Variants in FNDC3B observed in about 807,000 individuals in gnomAD.
The protein encoded by FNDC3B is fibronectin type III domain-containing protein 3B.
Under a neutral mutation model 151.5 loss-of-function variants are expected in FNDC3B, and 12 were observed. The observed-to-expected ratio is 0.08, with a 90% CI of 0.05 to 0.13. The LOEUF is 0.13. FNDC3B is among the 10% of genes least tolerant of loss of function. The pLI is 1.00. For missense variants in FNDC3B, 1,214 were observed against 1,505.3 expected (o/e 0.81, Z 3.20); for synonymous variants, 528 against 549.0 (o/e 0.96, Z 0.54).
rs1735630071 is a variant in FNDC3B, at chr3:172,384,918, G to A, written c.3303+3825G>A. Among the ~76,000 whole-genome samples, 8 of 152,294 alleles carry A rather than the reference G, an allele frequency of 5.3e-5. No homozygotes were observed. In the South Asian group the frequency reaches 1.7e-3, roughly 32 times the overall value. ...AACAAAGTGTTCCTTGTTGTAAACAGGTGAAAACACACAGTACTGCACGGC... is the reference window on the plus strand; with the variant it reads ...AACAAAGTGTTCCTTGTTGTAAACAAGTGAAAACACACAGTACTGCACGGC... On this transcript the variant is annotated intron_variant, in intron 25 of 25. Transcript: ENST00000415807.
At chr3:172,325,162 C>G (rs1385714188) in intron 11 of FNDC3B, among the ~76,000 whole-genome samples, 1 of 152,214 alleles carries the variant, frequency 6.6e-6, no homozygotes, top group Non-Finnish European at 1.5e-5. Flanking sequence ...AGGATGTTAC[C>G]CATTTCTACT....
At chr3:172,279,747 G>T (rs1729608490) in intron 6 of FNDC3B, among the ~76,000 whole-genome samples, 1 of 152,092 alleles carries the variant, frequency 6.6e-6, no homozygotes. Flanking sequence ...ACTAACTGTG[G>T]ATCATAGTCA....
intron 1 of FNDC3B, among the ~76,000 whole-genome samples, chr3:172,063,162 C>T (rs1333412580): frequency 6.6e-6 from 1 of 151,910 alleles, no homozygotes; most frequent in Non-Finnish European, 1.5e-5. Flanking sequence ...CCCCATTTTT[C>T]TTCAAATGTT....
chr3:172,121,349 T>G (rs914063136), intron 2 of FNDC3B, among the ~76,000 whole-genome samples: 2 of 152,256 alleles, frequency 1.3e-5, no homozygotes, highest in African/African-American at 4.8e-5. Flanking sequence ...TGGTTCATGT[T>G]GCTTTGTAGA....
At chr3:172,089,491 C>T (rs927021293) in intron 1 of FNDC3B, among the ~76,000 whole-genome samples, 1 of 152,152 alleles carries the variant, frequency 6.6e-6, no homozygotes, top group Middle Eastern at 3.4e-3. Context: ...ATCAGTTGAT[C>T]GAAGGTAGGG....
At chr3:172,113,223 C>T (rs1720067092) in intron 2 of FNDC3B, among the ~76,000 whole-genome samples, 1 of 152,140 alleles carries the variant, frequency 6.6e-6, no homozygotes, top group Non-Finnish European at 1.5e-5. Flanking sequence ...TTTATTGCAA[C>T]AGTTGGGCTT....
At chr3:172,056,636 A>C (rs1308463182) in intron 1 of FNDC3B, among the ~76,000 whole-genome samples, 1 of 152,176 alleles carries the variant, frequency 6.6e-6, no homozygotes. Context: ...TGTTATGACT[A>C]TTTGGCTCAA....
At chr3:172,191,607 C>T (rs1724512944) in intron 3 of FNDC3B, among the ~76,000 whole-genome samples, 1 of 152,138 alleles carries the variant, frequency 6.6e-6, no homozygotes, top group Non-Finnish European at 1.5e-5. Context: ...AACAATCCTC[C>T]TGCTTTAGCC....
intron 3 of FNDC3B, among the ~76,000 whole-genome samples, chr3:172,202,999 G>C (rs551240485): frequency 6.6e-6 from 1 of 152,138 alleles, no homozygotes; most frequent in Non-Finnish European, 1.5e-5. Context: ...CTTGTGAGCT[G>C]TACCAAAGCC....
intron 9 of FNDC3B, among the ~76,000 whole-genome samples, chr3:172,305,952 A>G (rs1416005186): frequency 6.6e-6 from 1 of 152,224 alleles, no homozygotes; most frequent in Non-Finnish European, 1.5e-5. Flanking sequence ...GGTTGGGTGG[A>G]GAGCATCCCA....
At chr3:172,269,927 G>A (rs1019267756) in intron 6 of FNDC3B, among the ~76,000 whole-genome samples, 7 of 152,272 alleles carry the variant, frequency 4.6e-5, no homozygotes, top group African/African-American at 1.4e-4. Context: ...GATTACAGGC[G>A]TGAGCCACCG....
chr3:172,207,602 G>A (rs1187125369), intron 3 of FNDC3B, among the ~76,000 whole-genome samples: 1 of 152,174 alleles, frequency 6.6e-6, no homozygotes, highest in African/African-American at 2.4e-5. Flanking sequence ...TCCATGGGCG[G>A]CCATGGGCGG....
At chr3:172,066,856 G>A (rs1239269768) in intron 1 of FNDC3B, among the ~76,000 whole-genome samples, 2 of 152,194 alleles carry the variant, frequency 1.3e-5, no homozygotes, top group Non-Finnish European at 2.9e-5. Flanking sequence ...TTGGTTGCAC[G>A]AGTGTGTGAA....
At chr3:172,298,194 T>C (rs1039444158) in intron 8 of FNDC3B, among the ~76,000 whole-genome samples, 1 of 152,236 alleles carries the variant, frequency 6.6e-6, no homozygotes, top group African/African-American at 2.4e-5. Context: ...GGTTGGTTAC[T>C]TCCTCATGAT....
intron 3 of FNDC3B, among the ~76,000 whole-genome samples, chr3:172,182,641 C>T (rs915388327): frequency 1.3e-5 from 2 of 152,180 alleles, no homozygotes; most frequent in Admixed American, 1.3e-4. Context: ...CTGCAAGAAC[C>T]TGTTAAACGC....
At chr3:172,369,919 T>G (rs1734806059) in intron 23 of FNDC3B, among the ~76,000 whole-genome samples, 1 of 151,868 alleles carries the variant, frequency 6.6e-6, no homozygotes, top group African/African-American at 2.4e-5. Context: ...CTCTCTCTCA[T>G]TCATACACAT....
intron 7 of FNDC3B, among the ~76,000 whole-genome samples, chr3:172,287,141 G>A (rs1730064317): frequency 6.6e-6 from 1 of 152,148 alleles, no homozygotes; most frequent in Non-Finnish European, 1.5e-5. Flanking sequence ...CAAGTGGGAG[G>A]CTCTACCCCC....
At chr3:172,317,293 C>A in intron 11 of FNDC3B, 1 of 334,916 alleles carries the variant, frequency 3.0e-6, no homozygotes, top group Middle Eastern at 7.3e-4. Flanking sequence ...ACGCCTTTCT[C>A]CTGCCTCAGC....
rs9828628 is a variant in FNDC3B, at chr3:172,128,161, G to C, written c.112-5310G>C. Among the ~76,000 whole-genome samples, 1,005 of 152,236 alleles carry C rather than the reference G, an allele frequency of 6.6e-3. 12 individuals carry two copies. The highest frequency in any genetic ancestry group is 0.023 in the African/African-American group (941 of 41,530). On this transcript the variant is annotated intron_variant, in intron 2 of 25. Coordinates refer to ENST00000415807, the MANE Select transcript of FNDC3B (RefSeq NM_022763.4). ...CTTGGACCTTGAGTTCCCAGTGTTT[G>C]CTTAGGTCCCCTTGGAGGCTTCCTG...
Sources: allele counts gnomAD v4.1 joint callset (sites outside exome capture counted in the v4.1 genomes callset), GRCh38; gene constraint gnomAD v4.1.1; transcripts MANE v1.5; gene names NCBI Gene and HGNC (gene_info 2026-07-23, HGNC 2026-07-21).